Variants in AKR1C3 observed in about 807,000 individuals in gnomAD.
The protein encoded by AKR1C3 is 3-alpha hydroxysteroid dehydrogenase, type II.
A neutral mutation model predicts 43.6 loss-of-function variants in AKR1C3; 48 were observed. That is an observed-to-expected ratio of 1.10 (90% CI 0.87 to 1.40). AKR1C3 has a LOEUF of 1.40. AKR1C3 is among the 40% of genes most tolerant of loss of function. AKR1C3 has a pLI of 0.00. For synonymous variants in AKR1C3, 162 were observed against 139.6 expected (o/e 1.16, Z -1.13); for missense variants, 482 against 391.2 (o/e 1.23, Z -1.96).
intron 1 of AKR1C3, among the ~76,000 whole-genome samples, chr10:5,056,476 A>G (rs185894987): frequency 2.0e-5 from 3 of 152,268 alleles, no homozygotes; most frequent in African/African-American, 7.2e-5. Context: ...GTACTCCTAG[A>G]ATTGGGGTGT....
At chr10:5,079,425 T>A (rs1202669167) in intron 1 of AKR1C3, among the ~76,000 whole-genome samples, 1 of 152,200 alleles carries the variant, frequency 6.6e-6, no homozygotes, top group Non-Finnish European at 1.5e-5. Flanking sequence ...GGCAGAGATT[T>A]GCAAGTGCTG....
chr10:5,087,674 C>T (rs1249334120), intron 1 of AKR1C3, among the ~76,000 whole-genome samples: 1 of 151,920 alleles, frequency 6.6e-6, no homozygotes, highest in Non-Finnish European at 1.5e-5. Context: ...TGTCCAGCCT[C>T]ACCTTTATCT....
chr10:5,102,257 AATTTT>A, intron 6 of AKR1C3, 47 bp downstream of exon 6: 2 of 1,592,812 alleles, frequency 1.3e-6, no homozygotes, highest in Non-Finnish European at 1.7e-6. Context: ...TTTTGCAGAA[AATTTT>A]TTAGTCAGAG....
intron 1 of AKR1C3, among the ~76,000 whole-genome samples, chr10:5,085,603 G>T (rs1554782987): frequency 6.6e-6 from 1 of 151,856 alleles, no homozygotes; most frequent in Non-Finnish European, 1.5e-5. Context: ...ATGAGTTAGG[G>T]AGGATTCCCT....
In AKR1C3 at chr10:5,102,144, T is replaced by TA. The variant is rs540961735; in HGVS notation, c.614_615insA (p.Phe205LeufsTer13). The TA allele has an allele frequency of 1.4e-4, 233 of 1,614,134 alleles. 1 individual carries two copies. In the African/African-American group the frequency reaches 2.7e-3, roughly 18 times the overall value. On this transcript the variant is annotated frameshift_variant, in exon 6 of 9. Coordinates refer to ENST00000380554, the MANE Select transcript of AKR1C3 (RefSeq NM_003739.6). LOFTEE classifies it high-confidence loss of function. The stretch of plus-strand genomic sequence containing the variant: ...TTCAACCGGAGTAAATTGCTAGATT[T>TA]CTGCAAGTCGAAAGATATTGTTCTG...
intron 3 of AKR1C3, chr10:5,098,211 C>G (rs1588355725): frequency 1.0e-6 from 1 of 978,314 alleles, no homozygotes; most frequent in East Asian, 1.1e-4. Flanking sequence ...ATGAAATAGT[C>G]TACAAAAATG....
At chr10:5,088,018 G>C (rs144069799) in intron 1 of AKR1C3, among the ~76,000 whole-genome samples, 1 of 151,974 alleles carries the variant, frequency 6.6e-6, no homozygotes, top group Non-Finnish European at 1.5e-5. Context: ...TTGGCATGTT[G>C]TATGTCTATT....
intron 1 of AKR1C3, among the ~76,000 whole-genome samples, chr10:5,072,998 C>G (rs1838643636): frequency 6.6e-6 from 1 of 152,142 alleles, no homozygotes; most frequent in Admixed American, 6.5e-5. Context: ...GAGTCTTGCT[C>G]TTTCTCCCAG....
At chr10:5,101,998 T>C (rs191193725) in intron 5 of AKR1C3, 103 bp from the exon 6 acceptor site, 2 of 704,130 alleles carry the variant, frequency 2.8e-6, no homozygotes, top group East Asian at 5.4e-5. Context: ...AGCTCAAATA[T>C]AATGCTATAC....
chr10:5,093,101 A>G (rs553851262), upstream of AKR1C3, among the ~76,000 whole-genome samples: 4 of 152,150 alleles, frequency 2.6e-5, no homozygotes, highest in Admixed American at 2.6e-4. Context: ...ATAGCTTACT[A>G]TTTCAAAAAT....
intron 7 of AKR1C3, among the ~76,000 whole-genome samples, chr10:5,102,956 T>G (rs1399559834): frequency 6.6e-6 from 1 of 151,854 alleles, no homozygotes; most frequent in Admixed American, 6.6e-5. Flanking sequence ...GTTTTTTTTT[T>G]TTGAGACAGA....
At chr10:5,102,932 T>C (rs1554786356) in intron 7 of AKR1C3, among the ~76,000 whole-genome samples, 1 of 145,460 alleles carries the variant, frequency 6.9e-6, no homozygotes, top group Non-Finnish European at 1.5e-5. Context: ...TTTCATGTTG[T>C]TTGTTTGGTT....
intron 1 of AKR1C3, among the ~76,000 whole-genome samples, chr10:5,074,057 C>T (rs1554781575): frequency 6.6e-6 from 1 of 151,960 alleles, no homozygotes; most frequent in Admixed American, 6.6e-5. Context: ...TAACCAGAAA[C>T]TCAAAAGAAT....
intron 1 of AKR1C3, among the ~76,000 whole-genome samples, chr10:5,074,293 A>C (rs1197808857): frequency 1.3e-5 from 2 of 152,306 alleles, no homozygotes; most frequent in East Asian, 3.9e-4. Context: ...TGGCAAAATA[A>C]ACTCTCTATA....
intron 7 of AKR1C3, among the ~76,000 whole-genome samples, chr10:5,104,630 TTTGG>T (rs1317703790): frequency 6.6e-6 from 1 of 152,008 alleles, no homozygotes; most frequent in Non-Finnish European, 1.5e-5. Context: ...TATTTTAGTC[TTTGG>T]TTGATATTGT....
rs1554785318 is a variant in AKR1C3 at position 5,097,483 on chromosome 10, A to G, written c.302A>G (p.Asn101Ser). 2 of 1,613,540 alleles carry G rather than the reference A, an allele frequency of 1.2e-6. No homozygotes were observed. The highest frequency in any genetic ancestry group is 2.2e-5 in the East Asian group (1 of 44,868). The change falls in exon 3 of 9, where the codon AAC (asparagine) becomes AGC (serine). Residue 101 changes from asparagine to serine, a missense_variant. Transcript: ENST00000380554. ...GAGTTGGTCCGACCAGCCTTGGAAAACTCACTGAAGAAAGCTCAATTGGAC... is the reference window on the plus strand; with the variant it reads ...GAGTTGGTCCGACCAGCCTTGGAAAGCTCACTGAAGAAAGCTCAATTGGAC... ...RPELVRPALE[N>S]SLKKAQLDYV... is the part of the protein sequence containing the mutation.
At chr10:5,106,258 G>A (rs1290580873) in intron 8 of AKR1C3, among the ~76,000 whole-genome samples, 2 of 152,098 alleles carry the variant, frequency 1.3e-5, no homozygotes, top group Admixed American at 6.5e-5. Flanking sequence ...GAGTGAATAG[G>A]AGCGCTTGTC....
In AKR1C3 at chr10:5,098,805, G is replaced by C. The variant is rs1839277441; in HGVS notation, c.373G>C (p.Gly125Arg). Residue 125 changes from glycine (G) to arginine (R), a missense_variant, in exon 4 of 9, where the codon GGT becomes CGT. Transcript: ENST00000380554. ...LIHSPMSLKP[G>R]EELSPTDENG... Reference sequence around the variant, plus strand: ...AAAATGACTGCTTCTATTTCAGCCAGGTGAGGAACTTTCACCAACAGATGA... The same window carrying C: ...AAAATGACTGCTTCTATTTCAGCCACGTGAGGAACTTTCACCAACAGATGA... The C allele has an allele frequency of 6.2e-7, 1 of 1,613,358 alleles. No individual in the cohort carries two copies. The highest frequency in any genetic ancestry group is 1.3e-5 in the African/African-American group (1 of 74,894).
At chr10:5,059,777 G>A (rs1838342117) in intron 1 of AKR1C3, among the ~76,000 whole-genome samples, 1 of 151,846 alleles carries the variant, frequency 6.6e-6, no homozygotes, top group Non-Finnish European at 1.5e-5. Context: ...ATAGCTGATG[G>A]TCTCACCCCT....
Sources: allele counts gnomAD v4.1 joint callset (sites outside exome capture counted in the v4.1 genomes callset), GRCh38; gene constraint gnomAD v4.1.1; transcripts MANE v1.5; gene names NCBI Gene and HGNC (gene_info 2026-07-23, HGNC 2026-07-21).